CLRN3: variants seen among roughly 807,000 people sequenced by gnomAD.
The protein encoded by CLRN3 is clarin-3.
CLRN3 carries 12 observed loss-of-function variants against 16.7 expected under a neutral mutation model. The ratio of observed to expected loss-of-function variants is 0.72; its 90% CI spans 0.46 to 1.16. CLRN3 has a LOEUF of 1.16. Among genes scored for constraint, CLRN3 ranks in the 50% most tolerant of loss-of-function variants. CLRN3 has a pLI of 0.00. For synonymous variants in CLRN3, 118 were observed against 113.0 expected (o/e 1.04, Z -0.28); for missense variants, 296 against 274.2 (o/e 1.08, Z -0.56).
intron 1 of CLRN3, among the ~76,000 whole-genome samples, chr10:127,886,765 T>C (rs1165424074): frequency 6.6e-6 from 1 of 152,238 alleles, no homozygotes; most frequent in Non-Finnish European, 1.5e-5. Context: ...CTGGGGACTG[T>C]GAGCAAAGTC....
At chr10:127,885,891 G>A (rs1363377397) in intron 1 of CLRN3, among the ~76,000 whole-genome samples, 5 of 152,106 alleles carry the variant, frequency 3.3e-5, no homozygotes, top group African/African-American at 1.2e-4. Context: ...AAGTAGCTGG[G>A]ATTACAGGCA....
At chr10:127,886,126 G>A (rs1407695174) in intron 1 of CLRN3, among the ~76,000 whole-genome samples, 1 of 152,168 alleles carries the variant, frequency 6.6e-6, no homozygotes, top group African/African-American at 2.4e-5. Flanking sequence ...CTAAGCTCGA[G>A]TGATCCTCCC....
chr10:127,887,552 C>A (rs940628232), intron 1 of CLRN3, among the ~76,000 whole-genome samples: 1 of 151,064 alleles, frequency 6.6e-6, no homozygotes, highest in African/African-American at 2.4e-5. Flanking sequence ...AAAAGGGAGT[C>A]ATTTGGGGCC....
chr10:127,881,384 G>A (rs564176247), intron 2 of CLRN3, among the ~76,000 whole-genome samples: 11 of 152,314 alleles, frequency 7.2e-5, no homozygotes, highest in African/African-American at 2.4e-4. Context: ...ACTCTGCTGC[G>A]GAGGAGCAGA....
In CLRN3 at chr10:127,883,890, T is replaced by C. The variant is rs1845161767; in HGVS notation, c.230-15A>G. The C allele has an allele frequency of 6.2e-7, 1 of 1,612,684 alleles. No individual in the cohort carries two copies. On this transcript the variant is annotated splice_polypyrimidine_tract_variant and intron_variant, in intron 1 of 2. Transcript: ENST00000368671. ...TATCTCTAAAACTAAAACAATGTTT[T>C]GTGAGTGCATAGCACATAATGCAAA...
intron 2 of CLRN3, among the ~76,000 whole-genome samples, chr10:127,882,435 T>A (rs1845139257): frequency 6.6e-6 from 1 of 152,250 alleles, no homozygotes; most frequent in Admixed American, 6.5e-5. Flanking sequence ...CTGGGGCCAG[T>A]TTGTACATCT....
chr10:127,883,824 A>T lies in CLRN3; in HGVS notation c.281T>A (p.Ile94Asn). ...SSQKTLHSVT[I>N]LFLVLSLITS... The stretch of plus-strand genomic sequence containing the variant: ...GATCAAACTCAGGACCAGGAACAGG[A>T]TAGTCACCGAATGCAGAGTTTTTTG... The change falls in exon 2 of 3, where the codon ATC becomes AAC. Residue 94 changes from isoleucine to asparagine, a missense_variant. Coordinates refer to ENST00000368671, the MANE Select transcript of CLRN3 (RefSeq NM_152311.5). 18 of 1,614,216 alleles carry T rather than the reference A, an allele frequency of 1.1e-5. No individual in the cohort carries two copies. Among genetic ancestry groups the T allele is most frequent in the Non-Finnish European group, 1.5e-5 (18 of 1,180,034 alleles).
At chr10:127,883,569 G>T in intron 2 of CLRN3, 127 bp downstream of exon 2, 1 of 717,386 alleles carries the variant, frequency 1.4e-6, no homozygotes, top group Non-Finnish European at 2.5e-6. Flanking sequence ...TCAGCTCATG[G>T]GAGGTCCTCA....
At chr10:127,888,834 C>T (rs370968442) in intron 1 of CLRN3, among the ~76,000 whole-genome samples, 2 of 152,166 alleles carry the variant, frequency 1.3e-5, no homozygotes, top group East Asian at 3.8e-4. Context: ...CCCAGTACAG[C>T]CATGCCTGTC....
intron 1 of CLRN3, among the ~76,000 whole-genome samples, chr10:127,885,002 G>C (rs1845177126): frequency 6.6e-6 from 1 of 152,268 alleles, no homozygotes; most frequent in African/African-American, 2.4e-5. Flanking sequence ...GTAAAAACAA[G>C]TGAAAGGCTC....
intron 2 of CLRN3, among the ~76,000 whole-genome samples, chr10:127,879,064 A>C (rs11018382): frequency 0.69 from 105,641 of 152,110 alleles, 39,273 homozygotes; most frequent in South Asian, 0.85. Context: ...TTGCATGTTT[A>C]TGTCTTCCCT....
chr10:127,892,503 C>A, intron 1 of CLRN3, 53 bp downstream of exon 1: 1 of 992,700 alleles, frequency 1.0e-6, no homozygotes, highest in Non-Finnish European at 1.6e-6. Context: ...TATAGAATGA[C>A]ATAAACCTTA....
At chr10:127,890,078 G>C (rs1419971774) in intron 1 of CLRN3, among the ~76,000 whole-genome samples, 1 of 152,242 alleles carries the variant, frequency 6.6e-6, no homozygotes, top group Non-Finnish European at 1.5e-5. Context: ...AGCTGAGGAA[G>C]GGTCTTAATC....
intron 1 of CLRN3, among the ~76,000 whole-genome samples, chr10:127,890,731 C>G (rs1448840866): frequency 4.6e-5 from 7 of 152,142 alleles, no homozygotes; most frequent in Admixed American, 6.5e-5. Flanking sequence ...ACCCACGTCT[C>G]CATGTACACA....
chr10:127,883,318 G>T (rs1368775704), intron 2 of CLRN3, among the ~76,000 whole-genome samples: 3 of 152,186 alleles, frequency 2.0e-5, no homozygotes, highest in African/African-American at 7.2e-5. Flanking sequence ...GCGTGTGCAT[G>T]TGTATGTGTG....
intron 1 of CLRN3, among the ~76,000 whole-genome samples, chr10:127,889,829 C>A (rs1026293672): frequency 1.2e-4 from 19 of 152,144 alleles, no homozygotes; most frequent in African/African-American, 4.6e-4. Flanking sequence ...CTTCCGGGGC[C>A]CTGACCACAT....
intron 2 of CLRN3, among the ~76,000 whole-genome samples, chr10:127,881,279 T>G (rs1431052068): frequency 1.5e-4 from 23 of 152,076 alleles, no homozygotes; most frequent in Admixed American, 1.5e-3. Flanking sequence ...TGGATAGGAG[T>G]AGGCAGGGCT....
Position 127,878,095 on chromosome 10 carries a change from C to A in CLRN3, c.*54G>T. 1.3e-6 allele frequency: 2 copies of A among 1,583,106 alleles called. No individual in the cohort carries two copies. The highest frequency in any genetic ancestry group is 1.1e-5 in the South Asian group (1 of 88,414). On this transcript the variant is annotated 3_prime_UTR_variant, in exon 3 of 3. Transcript: ENST00000368671. ...ATTGTCCAGAGAAGCTAACCAGTTACTACTCAGGGCTGATGTACAATAGAT... is the reference window on the plus strand; with the variant it reads ...ATTGTCCAGAGAAGCTAACCAGTTAATACTCAGGGCTGATGTACAATAGAT...
In CLRN3 at chr10:127,892,753, A is replaced by G. The variant is rs1316866076; in HGVS notation, c.32T>C (p.Leu11Ser). The G allele has an allele frequency of 5.0e-6, 8 of 1,612,804 alleles. No homozygotes were observed. Among genetic ancestry groups the G allele is most frequent in the Non-Finnish European group, 6.8e-6 (8 of 1,179,334 alleles). Reference sequence around the variant, plus strand: ...CCCAAGGCTGGTGAAAAAGCTTGATAAGAACATCAATGTCTTCTTTGTGGT... The same window carrying G: ...CCCAAGGCTGGTGAAAAAGCTTGATGAGAACATCAATGTCTTCTTTGTGGT... MPTTKKTLMFLSSFFTSLGSF... is the reference protein window; with the variant it reads MPTTKKTLMFSSSFFTSLGSF... Residue 11 changes from leucine to serine, a missense_variant, in exon 1 of 3, where the codon TTA (leucine) becomes TCA (serine). By Grantham distance (145) the Leu-to-Ser change is moderately radical. Transcript: ENST00000368671.
Sources: allele counts gnomAD v4.1 joint callset (sites outside exome capture counted in the v4.1 genomes callset), GRCh38; gene constraint gnomAD v4.1.1; transcripts MANE v1.5; gene names NCBI Gene and HGNC (gene_info 2026-07-23, HGNC 2026-07-21).